TTC34: variants seen among roughly 807,000 people sequenced by gnomAD.
The protein encoded by TTC34 is tetratricopeptide repeat protein 34.
In TTC34, 44 loss-of-function variants were observed where a neutral mutation model predicts 40.7. That is an observed-to-expected ratio of 1.08 (90% confidence interval 0.85 to 1.39). The LOEUF (loss-of-function observed/expected upper bound fraction) is 1.39, where lower values mean the gene tolerates loss of function less well. TTC34 is among the 40% of genes most tolerant of loss of function. TTC34 has a pLI of 0.00. For missense variants in TTC34, 884 were observed against 838.0 expected, an observed-to-expected ratio of 1.05 and a Z score of -0.68; for synonymous variants, 422 against 398.6, an observed-to-expected ratio of 1.06 and a Z score of -0.70.
At chr1:2,691,130 A>G (rs1389398403) in intron 6 of TTC34, among the ~76,000 whole-genome samples, 1 of 70,116 alleles carries the variant, frequency 1.4e-5, no homozygotes, top group African/African-American at 4.8e-5. Flanking sequence ...AGCCTGGAAC[A>G]GAACCCACAC....
In TTC34 at chr1:2,753,798, G is replaced by T. The variant is rs1641409314; in HGVS notation, c.2226+29811C>A. ...CACACCCCTAGGTGAGCATCTGATG[G>T]TCTGGAGCATCACCCACAACCACAG... On this transcript the variant is annotated intron_variant, in intron 6 of 8. Transcript: ENST00000401095. Among the ~76,000 whole-genome samples the T allele has an allele frequency of 1.3e-3, 140 of 107,226 alleles. No individual in the cohort carries two copies. In the Middle Eastern group the frequency reaches 0.018, roughly 14 times the overall value. The allele number at this position is 107,226 out of a possible 152,430, so 70.3% of individuals were successfully genotyped here. A position where few individuals can be genotyped will look rare whatever the true frequency, so the allele number is the denominator to read the frequency against.
chr1:2,800,032 C>G lies in TTC34; in HGVS notation c.784+12G>C. 1 of 398,414 alleles carries G rather than the reference C, an allele frequency of 2.5e-6. No individual in the cohort carries two copies. The highest frequency in any genetic ancestry group is 3.6e-5 in the East Asian group (1 of 28,034). 24.7% of individuals were successfully genotyped at this position (398,414 alleles called of 1,614,324 possible). A position where few individuals can be genotyped will look rare whatever the true frequency, so the allele number is the denominator to read the frequency against. Reference sequence around the variant, plus strand: ...TCACCCTGGCTCTGCAGGGGCCATGCCGTCCTCCTACCTTGGGGTTCGCTG... The same window carrying G: ...TCACCCTGGCTCTGCAGGGGCCATGGCGTCCTCCTACCTTGGGGTTCGCTG... On this transcript the variant is annotated intron_variant, in intron 2 of 8. Transcript: ENST00000401095.
exon 9 of TTC34, chr1:2,641,403 G>C: frequency 6.5e-7 from 1 of 1,528,096 alleles, no homozygotes; most frequent in Non-Finnish European, 8.8e-7. Context: ...GCCTCCCTCC[G>C]GATTCTGGCC....
chr1:2,791,230 C>G (rs2100631760), intron 2 of TTC34, among the ~76,000 whole-genome samples: 1 of 152,250 alleles, frequency 6.6e-6, no homozygotes, highest in Non-Finnish European at 1.5e-5. Flanking sequence ...GGGCCCCAGG[C>G]AGGGTGCACA....
chr1:2,756,607 G>C (rs1641513728), intron 6 of TTC34, among the ~76,000 whole-genome samples: 2 of 151,992 alleles, frequency 1.3e-5, no homozygotes, highest in Non-Finnish European at 2.9e-5. Context: ...GCATCTGACA[G>C]CCTGGAACAG....
chr1:2,777,942 A>G (rs1188614902), intron 6 of TTC34, among the ~76,000 whole-genome samples: 1 of 152,168 alleles, frequency 6.6e-6, no homozygotes, highest in African/African-American at 2.4e-5. Flanking sequence ...CCAGCTGTTA[A>G]ATGGGCATGT....
intron 6 of TTC34, among the ~76,000 whole-genome samples, chr1:2,765,698 C>G (rs1641767157): frequency 2.7e-5 from 1 of 36,664 alleles, no homozygotes; most frequent in Admixed American, 3.0e-4. Context: ...ATCTGACAGC[C>G]TGGAGCAGCA....
intron 6 of TTC34, among the ~76,000 whole-genome samples, chr1:2,684,294 C>G (rs1473318587): frequency 4.8e-5 from 7 of 145,370 alleles, no homozygotes; most frequent in African/African-American, 1.5e-4. Context: ...AAGCATATGA[C>G]AGCCTGGGTC....
chr1:2,751,851 C>T (rs1641331117), intron 6 of TTC34, among the ~76,000 whole-genome samples: 1 of 119,074 alleles, frequency 8.4e-6, no homozygotes, highest in South Asian at 2.9e-4. Flanking sequence ...ACCCTGCACC[C>T]CCAAGTGAGC....
chr1:2,799,867 A>T (rs2100638834), intron 2 of TTC34, among the ~76,000 whole-genome samples, 177 bp downstream of exon 2: 1 of 152,248 alleles, frequency 6.6e-6, no homozygotes, highest in Non-Finnish European at 1.5e-5. Context: ...TTCTTAAAGC[A>T]TGCATTTTGT....
intron 6 of TTC34, among the ~76,000 whole-genome samples, chr1:2,682,571 G>A (rs1177890702): frequency 2.7e-3 from 129 of 47,112 alleles, no homozygotes; most frequent in Middle Eastern, 0.026. Context: ...ATCTGACAGC[G>A]TGGAGCAGCA....
chr1:2,676,971 C>G (rs200824395), intron 6 of TTC34, among the ~76,000 whole-genome samples: 1 of 107,480 alleles, frequency 9.3e-6, no homozygotes, highest in Non-Finnish European at 2.2e-5. Context: ...CCCTGCACCC[C>G]CAGGTGAGCA....
intron 6 of TTC34, among the ~76,000 whole-genome samples, chr1:2,687,594 A>C (rs1382928444): frequency 7.3e-6 from 1 of 136,680 alleles, no homozygotes; most frequent in African/African-American, 3.0e-5. Flanking sequence ...ACAGCCTGGA[A>C]CAGCACCCAC....
intron 3 of TTC34, among the ~76,000 whole-genome samples, chr1:2,788,912 T>C (rs932392227): frequency 6.6e-5 from 10 of 152,022 alleles, no homozygotes; most frequent in South Asian, 2.1e-4. Context: ...GCCACCATGG[T>C]GAAACCCCAT....
At chr1:2,782,414 C>A (rs929863704) in intron 6 of TTC34, among the ~76,000 whole-genome samples, 1 of 152,152 alleles carries the variant, frequency 6.6e-6, no homozygotes, top group Non-Finnish European at 1.5e-5. Flanking sequence ...AAAGGTTTGT[C>A]AAATTTTGTC....
At chr1:2,750,665 A>T (rs1641287899) in intron 6 of TTC34, among the ~76,000 whole-genome samples, 14 of 149,020 alleles carry the variant, frequency 9.4e-5, no homozygotes, top group South Asian at 2.1e-4. Flanking sequence ...AGCATCTGAC[A>T]GCCTGGAACA....
chr1:2,694,067 C>A (rs1447809110), intron 6 of TTC34, among the ~76,000 whole-genome samples: 3 of 112,292 alleles, frequency 2.7e-5, no homozygotes, highest in South Asian at 2.9e-4. Flanking sequence ...AGCACCCACA[C>A]ACCCAGGTGA....
intron 6 of TTC34, among the ~76,000 whole-genome samples, chr1:2,656,363 A>C (rs1170988654): frequency 2.0e-4 from 15 of 75,498 alleles, no homozygotes; most frequent in East Asian, 4.7e-4. Flanking sequence ...ACAGCCTGGA[A>C]CAGCACCCAC....
intron 6 of TTC34, among the ~76,000 whole-genome samples, chr1:2,752,466 G>C (rs1217398579): frequency 7.5e-4 from 89 of 118,110 alleles, no homozygotes; most frequent in Admixed American, 1.1e-3. Flanking sequence ...AGGTGCGCAC[G>C]TGACAGCCTG....
Sources: gnomAD v4.1 joint callset for allele counts (sites outside exome capture counted in the v4.1 genomes callset) on GRCh38, gnomAD v4.1.1 for gene constraint, MANE v1.5 for transcripts, NCBI Gene and HGNC (gene_info 2026-07-23, HGNC 2026-07-21) for gene names.